RC3H2: variants seen among roughly 807,000 people sequenced by gnomAD.
RC3H2 encodes roquin-2.
A neutral mutation model predicts 133.3 loss-of-function variants in RC3H2; 31 were observed. The observed-to-expected ratio is 0.23, with a 90% CI of 0.17 to 0.31. The LOEUF (loss-of-function observed/expected upper bound fraction) is 0.31, where lower values mean the gene tolerates loss of function less well. Among genes scored for constraint, RC3H2 ranks in the 10% least tolerant of loss-of-function variants. RC3H2 has a pLI of 1.00. For synonymous variants in RC3H2, 517 were observed against 502.2 expected (o/e 1.03, Z -0.40); for missense variants, 1,175 against 1,437.2 (o/e 0.82, Z 2.95).
chr9:122,881,746 A>G (rs1216780978), intron 5 of RC3H2, among the ~76,000 whole-genome samples: 1 of 152,158 alleles, frequency 6.6e-6, no homozygotes, highest in Non-Finnish European at 1.5e-5. Flanking sequence ...TGTAGCCTTG[A>G]CTTTCTGGGC....
intron 9 of RC3H2, among the ~76,000 whole-genome samples, chr9:122,866,924 G>A (rs528926029): frequency 7.4e-4 from 108 of 145,648 alleles, no homozygotes; most frequent in African/African-American, 2.7e-3. Context: ...AGTGAGAAGC[G>A]TCTGCCCGGC....
chr9:122,861,038 G>C (rs1830435960), intron 10 of RC3H2, among the ~76,000 whole-genome samples: 1 of 152,138 alleles, frequency 6.6e-6, no homozygotes, highest in African/African-American at 2.4e-5. Context: ...TAGGTACTCA[G>C]TAAATACTTG....
Position 122,883,333 on chromosome 9 carries a change from A to T in RC3H2, c.630T>A (p.Asp210Glu). 3 of 1,612,864 alleles carry T rather than the reference A, an allele frequency of 1.9e-6. No homozygotes were observed. Among genetic ancestry groups the T allele is most frequent in the Non-Finnish European group, 2.5e-6 (3 of 1,179,584 alleles). The change falls in exon 5 of 21, where the codon GAT (aspartate) becomes GAA (glutamate). Residue 210 changes from aspartate (D) to glutamate (E), a missense_variant. Around this residue, in one of 8 missense-constraint regions of RC3H2, gnomAD observed 121 missense variants for 243.5 expected, o/e 0.50. Transcript: ENST00000357244. ...ALKLVLLALEDGSALSRKVLV... is the reference protein window; with the variant it reads ...ALKLVLLALEEGSALSRKVLV... ...GAACTTTCCTTGAGAGGGCAGAACC[A>T]TCTTCTAATGCCAGTAACACCAGCT...
chr9:122,869,966 AG>A (rs1164348773), intron 9 of RC3H2, among the ~76,000 whole-genome samples: 1 of 152,178 alleles, frequency 6.6e-6, no homozygotes, highest in Non-Finnish European at 1.5e-5. Context: ...GGTTGTCTGG[AG>A]GGGCCCAAAG....
chr9:122,869,517 A>C (rs1830966922), intron 9 of RC3H2, among the ~76,000 whole-genome samples: 1 of 151,828 alleles, frequency 6.6e-6, no homozygotes. Context: ...CTAAAAGTGA[A>C]GTAACAGAAT....
rs1343843847 is a variant in RC3H2 at position 122,849,426 on chromosome 9, A to C, written c.*201T>G. 1 of 168,448 alleles carries C rather than the reference A, an allele frequency of 5.9e-6. No individual in the cohort carries two copies. Among genetic ancestry groups the C allele is most frequent in the African/African-American group, 2.4e-5 (1 of 41,734 alleles). 10.4% of individuals were successfully genotyped at this position (168,448 alleles called of 1,614,324 possible). ...TTCTGGAAAGTGAACATGTTACCCT[A>C]GTAAAGTAAATTTTCTTTTTTTTTT... is the stretch of plus-strand genomic sequence containing the variant. On this transcript the variant is annotated 3_prime_UTR_variant, in exon 21 of 21. Coordinates refer to ENST00000357244, the MANE Select transcript of RC3H2 (RefSeq NM_001100588.3).
intron 17 of RC3H2, 35 bp downstream of exon 17, chr9:122,854,150 T>G (rs1470871847): frequency 1.2e-6 from 2 of 1,612,094 alleles, no homozygotes; most frequent in Non-Finnish European, 1.7e-6. Flanking sequence ...GTCATTCTAT[T>G]TCTCAAAAAT....
Position 122,851,371 on chromosome 9 carries a change from A to G in RC3H2, c.3183T>C (p.Leu1061=). 3 of 1,614,218 alleles carry G rather than the reference A, an allele frequency of 1.9e-6. No individual in the cohort carries two copies. The highest frequency in any genetic ancestry group is 2.5e-6 in the Non-Finnish European group (3 of 1,180,032). Residue 1061 remains leucine, a synonymous_variant, in exon 19 of 21, where the codon CTT becomes CTC. Coordinates refer to ENST00000357244, the MANE Select transcript of RC3H2 (RefSeq NM_001100588.3). ...TKPDRDIELE[L]SALDTDEPDG... ...CAGGTTCATCAGTATCAAGTGCTGA[A>G]AGCTCTAACTCGATATCCCTATCAG... is the stretch of plus-strand genomic sequence containing the variant.
chr9:122,895,213 G>A (rs1171569224), intron 2 of RC3H2, among the ~76,000 whole-genome samples: 1 of 150,756 alleles, frequency 6.6e-6, no homozygotes, highest in South Asian at 2.1e-4. Context: ...AGGCTGGAGT[G>A]CAGTGGCACG....
chr9:122,881,976 T>C (rs1279603609), intron 5 of RC3H2, among the ~76,000 whole-genome samples: 3 of 151,910 alleles, frequency 2.0e-5, no homozygotes, highest in Non-Finnish European at 4.4e-5. Flanking sequence ...ATTAAGAAAT[T>C]TTCTAGGGAG....
chr9:122,854,590 A>G lies in RC3H2; in HGVS notation c.2841T>C (p.Val947=). ...TGCCATATGAACTCCACCTTGAATCAACAGCATTGACATAAGGGACATAAT... is the reference window on the plus strand; with the variant it reads ...TGCCATATGAACTCCACCTTGAATCGACAGCATTGACATAAGGGACATAAT... The part of the protein sequence containing the change: ...VSDYVPYVNA[V]DSRWSSYGNE... The change falls in exon 16 of 21, where the codon GTT becomes GTC. Residue 947 remains valine, a synonymous_variant. Coordinates refer to ENST00000357244, the MANE Select transcript of RC3H2 (RefSeq NM_001100588.3). 6.2e-7 allele frequency: 1 copy of G among 1,613,302 alleles called. No homozygotes were observed.
intron 18 of RC3H2, 102 bp from the exon 19 acceptor site, chr9:122,851,538 T>C: frequency 6.8e-7 from 1 of 1,468,184 alleles, no homozygotes; most frequent in Non-Finnish European, 9.1e-7. Flanking sequence ...GGTCTCCCTC[T>C]CATGCCGAGC....
chr9:122,904,654 G>C (rs777652518), intron 1 of RC3H2, among the ~76,000 whole-genome samples: 2 of 152,138 alleles, frequency 1.3e-5, no homozygotes, highest in African/African-American at 2.4e-5. Flanking sequence ...GCATTGTTTG[G>C]CCGGGGTTCC....
chr9:122,860,227 C>T (rs1452162188), intron 10 of RC3H2, 96 bp from the exon 11 acceptor site: 1 of 925,376 alleles, frequency 1.1e-6, no homozygotes, highest in Non-Finnish European at 1.7e-6. Flanking sequence ...TCTGAAACCA[C>T]TAATAGAAAA....
intron 8 of RC3H2, among the ~76,000 whole-genome samples, chr9:122,878,551 T>C (rs1831446007): frequency 6.6e-6 from 1 of 152,220 alleles, no homozygotes; most frequent in Non-Finnish European, 1.5e-5. Context: ...ATTATAGACA[T>C]GAGCCACCGC....
intron 1 of RC3H2, among the ~76,000 whole-genome samples, chr9:122,904,246 G>T (rs1358509884): frequency 6.6e-6 from 1 of 152,204 alleles, no homozygotes; most frequent in Non-Finnish European, 1.5e-5. Flanking sequence ...CAAGGGTTAT[G>T]AAAATATAAA....
At chr9:122,859,420 T>C (rs1413535137) in intron 11 of RC3H2, among the ~76,000 whole-genome samples, 3 of 152,086 alleles carry the variant, frequency 2.0e-5, no homozygotes, top group South Asian at 2.1e-4. Flanking sequence ...GACACCACTA[T>C]ATGAAAATCA....
At chr9:122,873,685 G>C (rs1363149755) in intron 9 of RC3H2, 1 of 151,726 alleles carries the variant, frequency 6.6e-6, no homozygotes, top group Non-Finnish European at 1.5e-5. Flanking sequence ...CTGCACTATA[G>C]AGTGAGGCCC....
At chr9:122,858,157 G>T in intron 12 of RC3H2, 64 bp from the exon 13 acceptor site, 1 of 1,443,866 alleles carries the variant, frequency 6.9e-7, no homozygotes, top group Non-Finnish European at 9.6e-7. Context: ...TTAACTGTGT[G>T]AAAATGATGT....
Sources: allele counts gnomAD v4.1 joint callset (sites outside exome capture counted in the v4.1 genomes callset), GRCh38; gene constraint gnomAD v4.1.1; regional missense constraint gnomAD v4.1.1; transcripts MANE v1.5; gene names NCBI Gene and HGNC (gene_info 2026-07-23, HGNC 2026-07-21).